Variants in ARHGAP44 observed in about 807,000 individuals in gnomAD.
ARHGAP44 encodes rho GTPase-activating protein 44.
A neutral mutation model predicts 106.8 loss-of-function variants in ARHGAP44; 43 were observed. The ratio of observed to expected loss-of-function variants is 0.40; its 90% confidence interval spans 0.32 to 0.52. The LOEUF is 0.52. Ranked by LOEUF, ARHGAP44 falls within the 20% of genes least tolerant of loss-of-function variation. The pLI, the probability that ARHGAP44 is intolerant of heterozygous loss-of-function variation, is 0.48. For synonymous variants in ARHGAP44, 439 were observed against 410.3 expected (o/e 1.07, Z -0.85); for missense variants, 866 against 1,050.5 (o/e 0.82, Z 2.43).
intron 1 of ARHGAP44, among the ~76,000 whole-genome samples, chr17:12,876,922 A>AT (rs1327603406): frequency 6.6e-6 from 1 of 151,868 alleles, no homozygotes; most frequent in East Asian, 1.9e-4. Flanking sequence ...AAAAAAAAAA[A>AT]AAAAAAGAAG....
chr17:12,792,656 T>C (rs983280353), intron 1 of ARHGAP44, among the ~76,000 whole-genome samples: 2 of 152,228 alleles, frequency 1.3e-5, no homozygotes, highest in Non-Finnish European at 1.5e-5. Flanking sequence ...TTTATCCTTA[T>C]ATTTTTCTAA....
chr17:12,839,668 C>T (rs1178364721), intron 1 of ARHGAP44, among the ~76,000 whole-genome samples: 1 of 152,132 alleles, frequency 6.6e-6, no homozygotes, highest in South Asian at 2.1e-4. Context: ...TCACCAATGA[C>T]CCTAGGCTTC....
chr17:12,862,689 T>C (rs75580950), intron 1 of ARHGAP44, among the ~76,000 whole-genome samples: 68 of 152,252 alleles, frequency 4.5e-4, no homozygotes, highest in African/African-American at 1.6e-3. Context: ...GCTGAGCTGG[T>C]AGAATCCTTT....
intron 19 of ARHGAP44, among the ~76,000 whole-genome samples, chr17:12,983,769 A>C (rs1331530040): frequency 6.6e-6 from 1 of 152,054 alleles, no homozygotes; most frequent in Non-Finnish European, 1.5e-5. Flanking sequence ...GCGCCATTGC[A>C]CTCCAGCCTG....
At chr17:12,918,091 C>A (rs777273878) in intron 5 of ARHGAP44, among the ~76,000 whole-genome samples, 1 of 152,240 alleles carries the variant, frequency 6.6e-6, no homozygotes, top group Non-Finnish European at 1.5e-5. Context: ...GAGGTCCCCT[C>A]TGTGCCTCAA....
At chr17:12,855,891 G>A (rs1224466346) in intron 1 of ARHGAP44, among the ~76,000 whole-genome samples, 1 of 152,098 alleles carries the variant, frequency 6.6e-6, no homozygotes, top group African/African-American at 2.4e-5. Context: ...CGTTGGGCAG[G>A]GTGTCTGGAT....
chr17:12,824,326 A>C (rs2034858245), intron 1 of ARHGAP44, among the ~76,000 whole-genome samples: 1 of 151,966 alleles, frequency 6.6e-6, no homozygotes, highest in South Asian at 2.1e-4. Context: ...TGAAAAGATC[A>C]CTCTTCCTGC....
chr17:12,943,640 C>T lies in ARHGAP44; in HGVS notation c.704C>T (p.Ala235Val). The change falls in exon 9 of 21, where the codon GCT becomes GTT. Residue 235 changes from alanine to valine, a missense_variant. Ala to Val is a moderately conservative substitution (Grantham distance 64). This residue lies in a region of ARHGAP44 where 448 missense variants were observed against 646.9 expected (regional missense o/e 0.69). Coordinates refer to ENST00000379672, the MANE Select transcript of ARHGAP44 (RefSeq NM_014859.6). ...AGGAAGTCCCTGACACTATTGCAGG[C>T]TGTATTGCCTCAGATCAAAGCACAA... is the stretch of plus-strand genomic sequence containing the variant. ...YHRKSLTLLQAVLPQIKAQQE... is the reference protein window; with the variant it reads ...YHRKSLTLLQVVLPQIKAQQE... The T allele has an allele frequency of 6.2e-7, 1 of 1,613,924 alleles. No homozygotes were observed. The highest frequency in any genetic ancestry group is 8.5e-7 in the Non-Finnish European group (1 of 1,179,878).
At chr17:12,826,821 A>G (rs567416604) in intron 1 of ARHGAP44, among the ~76,000 whole-genome samples, 71 of 152,208 alleles carry the variant, frequency 4.7e-4, no homozygotes, top group Admixed American at 7.2e-4. Flanking sequence ...TTATGGGCTC[A>G]TGCCAGATAA....
chr17:12,809,332 T>C (rs1239861257), intron 1 of ARHGAP44, among the ~76,000 whole-genome samples: 1 of 152,206 alleles, frequency 6.6e-6, no homozygotes, highest in Non-Finnish European at 1.5e-5. Flanking sequence ...TATTAATCTG[T>C]TCTCACACTG....
At chr17:12,937,866 C>G (rs550820902) in intron 7 of ARHGAP44, among the ~76,000 whole-genome samples, 2 of 152,002 alleles carry the variant, frequency 1.3e-5, no homozygotes, top group African/African-American at 2.4e-5. Context: ...TTTGGGAGGC[C>G]GAGGTGGGCG....
At chr17:12,940,898 A>C (rs1186631195) in intron 7 of ARHGAP44, among the ~76,000 whole-genome samples, 158 bp from the exon 8 acceptor site, 1 of 152,230 alleles carries the variant, frequency 6.6e-6, no homozygotes, top group Non-Finnish European at 1.5e-5. Flanking sequence ...GTGGTTGACA[A>C]ATATGCAAAT....
intron 3 of ARHGAP44, 102 bp from the exon 4 acceptor site, chr17:12,908,795 A>C (rs142463078): frequency 2.3e-6 from 2 of 870,704 alleles, no homozygotes; most frequent in Non-Finnish European, 3.7e-6. Context: ...CTTGTTTCAT[A>C]GTTAATATAA....
At chr17:12,924,517 T>C (rs1319948056) in intron 6 of ARHGAP44, among the ~76,000 whole-genome samples, 1 of 152,164 alleles carries the variant, frequency 6.6e-6, no homozygotes, top group Non-Finnish European at 1.5e-5. Context: ...CTGGGACACA[T>C]ACACATTCCA....
chr17:12,896,150 T>C (rs62058085), intron 2 of ARHGAP44, among the ~76,000 whole-genome samples: 79,633 of 149,096 alleles, frequency 0.53, 21,558 homozygotes, highest in Non-Finnish European at 0.57. Context: ...AGGAGATATA[T>C]CTAATGTAAA....
intron 1 of ARHGAP44, among the ~76,000 whole-genome samples, chr17:12,832,546 T>G (rs1411450798): frequency 6.6e-6 from 1 of 152,194 alleles, no homozygotes; most frequent in Non-Finnish European, 1.5e-5. Flanking sequence ...AAAGGCAGTC[T>G]GGTCCCTAGG....
At chr17:12,838,625 G>A (rs1046584817) in intron 1 of ARHGAP44, among the ~76,000 whole-genome samples, 1 of 152,126 alleles carries the variant, frequency 6.6e-6, no homozygotes, top group African/African-American at 2.4e-5. Context: ...TGTAGTTTGA[G>A]TGCAGGAAGA....
intron 19 of ARHGAP44, among the ~76,000 whole-genome samples, chr17:12,981,676 G>A (rs2039834824): frequency 6.6e-6 from 1 of 151,846 alleles, no homozygotes; most frequent in Non-Finnish European, 1.5e-5. Context: ...GGGATTACAG[G>A]CGTGAGCCAC....
At position 12,816,899 on chromosome 17, in the gene ARHGAP44, A is replaced by G. The variant is rs78989561; in HGVS notation, c.53+27008A>G. Among the ~76,000 whole-genome samples the G allele has an allele frequency of 1.1e-4, 17 of 152,318 alleles. No individual in the cohort carries two copies. In the East Asian group the frequency reaches 2.3e-3, roughly 21 times the overall value. On this transcript the variant is annotated intron_variant, in intron 1 of 20. Coordinates refer to ENST00000379672, the MANE Select transcript of ARHGAP44 (RefSeq NM_014859.6). ...ACATAGAAGAACTGAACAACACTGT[A>G]AACCAACTGGATCTAATTGGCATTT...
Sources: allele counts gnomAD v4.1 joint callset (sites outside exome capture counted in the v4.1 genomes callset), GRCh38; gene constraint gnomAD v4.1.1; regional missense constraint gnomAD v4.1.1; transcripts MANE v1.5; gene names NCBI Gene and HGNC (gene_info 2026-07-23, HGNC 2026-07-21).